The following RALGPS2 variants were observed in gnomAD, a reference collection of about 807,000 sequenced individuals.
RALGPS2 encodes ras-specific guanine nucleotide-releasing factor RalGPS2.
RALGPS2 carries 43 observed loss-of-function variants against 86.8 expected under a neutral mutation model. That is an observed-to-expected ratio of 0.50 (90% confidence interval 0.39 to 0.64). The LOEUF is 0.64. RALGPS2 is among the 30% of genes least tolerant of loss of function. The probability of loss-of-function intolerance (pLI) is 0.00; values close to 1 mark genes in which losing one functional copy is unlikely to be tolerated. For missense variants in RALGPS2, 536 were observed against 694.6 expected (o/e 0.77, Z 2.57); for synonymous variants, 243 against 231.3 (o/e 1.05, Z -0.46).
chr1:178,728,394 A>G (rs1173574622), intron 1 of RALGPS2, among the ~76,000 whole-genome samples: 1 of 121,614 alleles, frequency 8.2e-6, no homozygotes, highest in East Asian at 2.5e-4. Flanking sequence ...ATTTTCTCCG[A>G]AAGTATGCTT....
intron 7 of RALGPS2, among the ~76,000 whole-genome samples, chr1:178,827,668 T>C (rs1655817253): frequency 6.6e-6 from 1 of 152,154 alleles, no homozygotes. Flanking sequence ...GTGCTGGGAT[T>C]ACAGGCGTGA....
At position 178,916,585 on chromosome 1, in the gene RALGPS2, T is replaced by C; in HGVS notation, c.*226T>C. 1 of 499,772 alleles carries C rather than the reference T, an allele frequency of 2.0e-6. No homozygotes were observed. The highest frequency in any genetic ancestry group is 3.5e-6 in the Non-Finnish European group (1 of 287,302). 31.0% of individuals were successfully genotyped at this position (499,772 alleles called of 1,614,324 possible). A position where few individuals can be genotyped will look rare whatever the true frequency, so the allele number is the denominator to read the frequency against. ...AAACTGCCATGAACCATGCTTCTTA[T>C]CTCAGAACTGACCTGTGGAAACCAC... is the stretch of plus-strand genomic sequence containing the variant. On this transcript the variant is annotated 3_prime_UTR_variant, in exon 20 of 20. Coordinates refer to ENST00000367635, the MANE Select transcript of RALGPS2 (RefSeq NM_152663.5).
chr1:178,737,370 C>T (rs1348506449), intron 1 of RALGPS2, among the ~76,000 whole-genome samples: 2 of 152,270 alleles, frequency 1.3e-5, no homozygotes, highest in South Asian at 2.1e-4. Flanking sequence ...CTCAGCCTCG[C>T]GAGTAGCTGG....
At chr1:178,806,080 A>G (rs1418092918) in intron 4 of RALGPS2, among the ~76,000 whole-genome samples, 2 of 151,034 alleles carry the variant, frequency 1.3e-5, no homozygotes, top group Admixed American at 6.6e-5. Flanking sequence ...AGGATTCCCA[A>G]TATATATATA....
At chr1:178,779,348 A>G (rs1426027498) in intron 2 of RALGPS2, among the ~76,000 whole-genome samples, 1 of 152,034 alleles carries the variant, frequency 6.6e-6, no homozygotes, top group Non-Finnish European at 1.5e-5. Flanking sequence ...TGGCTTCTAT[A>G]TTTCTTATTT....
chr1:178,761,176 A>G lies in RALGPS2; in HGVS notation c.-83-15506A>G, dbSNP rs191243367. On this transcript the variant is annotated intron_variant, in intron 1 of 19. Coordinates refer to ENST00000367635, the MANE Select transcript of RALGPS2 (RefSeq NM_152663.5). ...TTTTAGTAGAGACAGGGTTTCGGCC[A>G]CGTTTGCCAGGCTGGTCTCGATCTT... Among the ~76,000 whole-genome samples, 37 of 152,126 alleles carry G rather than the reference A, an allele frequency of 2.4e-4. No individual in the cohort carries two copies. The East Asian group carries it at 6.6e-3, about 27-fold the overall frequency.
chr1:178,893,273 A>G (rs576582476), intron 15 of RALGPS2, among the ~76,000 whole-genome samples: 1 of 151,922 alleles, frequency 6.6e-6, no homozygotes, highest in East Asian at 1.9e-4. Flanking sequence ...GATACATGAA[A>G]AGGAAATCTT....
chr1:178,879,137 A>G lies in RALGPS2; in HGVS notation c.836+145A>G, dbSNP rs1659122064. ...TACAGCAGTAAAGGTACTAACATGT[A>G]TTACTTCTTAATCACTTGTTATGAT... is the stretch of plus-strand genomic sequence containing the variant. On this transcript the variant is annotated intron_variant, in intron 10 of 19. Coordinates refer to ENST00000367635, the MANE Select transcript of RALGPS2 (RefSeq NM_152663.5). 5 of 1,139,760 alleles carry G rather than the reference A, an allele frequency of 4.4e-6. No homozygotes were observed. In the African/African-American group the frequency reaches 4.8e-5, roughly 11 times the overall value. The allele number at this position is 1,139,760 out of a possible 1,614,324, so 70.6% of individuals were successfully genotyped here. A position where few individuals can be genotyped will look rare whatever the true frequency, so the allele number is the denominator to read the frequency against.
chr1:178,813,932 T>A (rs1250819735), intron 6 of RALGPS2, among the ~76,000 whole-genome samples: 1 of 152,164 alleles, frequency 6.6e-6, no homozygotes, highest in Non-Finnish European at 1.5e-5. Context: ...TCTAGACAAG[T>A]TGACACATCA....
chr1:178,799,453 A>G (rs1654363590), intron 4 of RALGPS2, among the ~76,000 whole-genome samples: 1 of 152,158 alleles, frequency 6.6e-6, no homozygotes, highest in African/African-American at 2.4e-5. Flanking sequence ...GGGATAGGCT[A>G]ACTCTACTGT....
At chr1:178,846,137 A>G (rs1023675855) in intron 8 of RALGPS2, among the ~76,000 whole-genome samples, 25 of 152,332 alleles carry the variant, frequency 1.6e-4, no homozygotes, top group African/African-American at 5.5e-4. Context: ...TAATTTCAAC[A>G]AAGTCCAAGT....
chr1:178,731,803 C>T (rs1650380982), intron 1 of RALGPS2, among the ~76,000 whole-genome samples: 2 of 152,028 alleles, frequency 1.3e-5, no homozygotes, highest in African/African-American at 4.8e-5. Flanking sequence ...GAGATATGAT[C>T]TAGTTTAGAG....
At chr1:178,765,708 T>G (rs528040942) in intron 1 of RALGPS2, among the ~76,000 whole-genome samples, 5 of 152,316 alleles carry the variant, frequency 3.3e-5, no homozygotes, top group African/African-American at 1.2e-4. Flanking sequence ...GTCCCTTATC[T>G]ACAACCATAA....
At chr1:178,915,260 T>A (rs1385582395) in intron 19 of RALGPS2, among the ~76,000 whole-genome samples, 3 of 152,208 alleles carry the variant, frequency 2.0e-5, no homozygotes, top group Non-Finnish European at 4.4e-5. Context: ...TGAGACAGGG[T>A]TTCACTCTTG....
At chr1:178,752,189 G>A (rs1651716261) in intron 1 of RALGPS2, among the ~76,000 whole-genome samples, 1 of 149,584 alleles carries the variant, frequency 6.7e-6, no homozygotes, top group South Asian at 2.1e-4. Flanking sequence ...AGGCTAGTGT[G>A]CAGTGGCACA....
At chr1:178,790,837 C>G (rs1653915722) in intron 4 of RALGPS2, among the ~76,000 whole-genome samples, 1 of 152,084 alleles carries the variant, frequency 6.6e-6, no homozygotes, top group Non-Finnish European at 1.5e-5. Flanking sequence ...ATGATGGCAG[C>G]CAGTTTAGTG....
chr1:178,897,755 A>C lies in RALGPS2; in HGVS notation c.1523A>C (p.His508Pro). Residue 508 changes from histidine to proline, a missense_variant and splice_region_variant, in exon 17 of 20, where the codon CAT (histidine) becomes CCT (proline). His to Pro is a moderately conservative substitution (Grantham distance 77). This residue lies in a region of RALGPS2 where 309 missense variants were observed against 363.0 expected (regional missense o/e 0.85). Transcript: ENST00000367635. ...TCTCTAAAGGCTACCGAAAGAAAAC[A>C]TGTAAGTATTTGTTCTCTACATTTT... The part of the protein sequence containing the change: ...AKSLKATERK[H>P]FKSTSNKNVS... 1 of 1,607,564 alleles carries C rather than the reference A, an allele frequency of 6.2e-7. No homozygotes were observed. The highest frequency in any genetic ancestry group is 8.5e-7 in the Non-Finnish European group (1 of 1,174,604).
At chr1:178,754,068 C>T (rs890070170) in intron 1 of RALGPS2, among the ~76,000 whole-genome samples, 18 of 151,794 alleles carry the variant, frequency 1.2e-4, no homozygotes, top group African/African-American at 2.7e-4. Flanking sequence ...GTGATCCGCC[C>T]GCCTCGGCCT....
chr1:178,793,396 G>A (rs1654049610), intron 4 of RALGPS2, among the ~76,000 whole-genome samples: 1 of 150,342 alleles, frequency 6.7e-6, no homozygotes, highest in Non-Finnish European at 1.5e-5. Context: ...CAAAACCACA[G>A]GGGTCTTTTT....
Sources: gnomAD v4.1 joint callset for allele counts (sites outside exome capture counted in the v4.1 genomes callset) on GRCh38, gnomAD v4.1.1 for gene constraint, gnomAD v4.1.1 regional missense constraint, MANE v1.5 for transcripts, NCBI Gene and HGNC (gene_info 2026-07-23, HGNC 2026-07-21) for gene names.